The following TLN2 variants were observed in gnomAD, a reference collection of about 807,000 sequenced individuals.
The protein encoded by TLN2 is talin 2, also known as talin-2.
Under a neutral mutation model 294.7 loss-of-function variants are expected in TLN2, and 118 were observed. The observed-to-expected ratio is 0.40, with a 90% CI of 0.34 to 0.47. The LOEUF is 0.47. Among genes scored for constraint, TLN2 ranks in the 20% least tolerant of loss-of-function variants. The pLI, the probability that TLN2 is intolerant of heterozygous loss-of-function variation, is 0.84. For synonymous variants in TLN2, 1,431 were observed against 1,304.5 expected, an observed-to-expected ratio of 1.10 and a Z score of -2.09; for missense variants, 3,083 against 3,282.2, an observed-to-expected ratio of 0.94 and a Z score of 1.48.
chr15:62,655,166 A>G lies in TLN2; in HGVS notation c.518-778A>G, dbSNP rs910497057. 2.6e-5 allele frequency among the ~76,000 whole-genome samples: 4 copies of G among 152,098 alleles called. No homozygotes were observed. The East Asian group carries it at 5.8e-4, about 22-fold the overall frequency. On this transcript the variant is annotated intron_variant, in intron 7 of 58. Coordinates refer to ENST00000636159, the MANE Select transcript of TLN2 (RefSeq NM_015059.3). ...CCAAGGATTTATTATTATGTGCAAA[A>G]TACTCTCCCAGGTACTGTGGGAGAT...
At chr15:62,427,736 T>C (rs975928162) in intron 1 of TLN2, among the ~76,000 whole-genome samples, 1 of 152,168 alleles carries the variant, frequency 6.6e-6, no homozygotes, top group African/African-American at 2.4e-5. Flanking sequence ...TCCCTGGCCA[T>C]GCCATGCAGA....
intron 1 of TLN2, among the ~76,000 whole-genome samples, chr15:62,545,514 TTGTG>T (rs56777565): frequency 2.9e-4 from 43 of 145,998 alleles, no homozygotes; most frequent in South Asian, 1.5e-3. Context: ...TTCTTTCTCT[TTGTG>T]TGTGTGTGTG....
intron 1 of TLN2, among the ~76,000 whole-genome samples, chr15:62,573,235 ACTC>A (rs1257808441): frequency 6.6e-6 from 1 of 150,968 alleles, no homozygotes; most frequent in Non-Finnish European, 1.5e-5. Flanking sequence ...TCCCTGCAGA[ACTC>A]CTCCTTGTCT....
At chr15:62,609,612 G>C (rs1021306700) in intron 2 of TLN2, among the ~76,000 whole-genome samples, 1 of 152,130 alleles carries the variant, frequency 6.6e-6, no homozygotes, top group Non-Finnish European at 1.5e-5. Context: ...CAGCTGATGC[G>C]TCGTTGGCGG....
chr15:62,772,921 C>T (rs931642807), intron 42 of TLN2, among the ~76,000 whole-genome samples: 2 of 152,092 alleles, frequency 1.3e-5, no homozygotes, highest in African/African-American at 4.8e-5. Context: ...TCCTCAGCCT[C>T]CCAAAGTGCT....
rs184133500 is a variant in TLN2, at chr15:62,767,269, C to A, written c.5196+847C>A. Among the ~76,000 whole-genome samples the A allele has an allele frequency of 4.0e-3, 603 of 152,274 alleles. 1 individual carries two copies. The highest frequency in any genetic ancestry group is 5.9e-3 in the Non-Finnish European group (399 of 68,014). The stretch of plus-strand genomic sequence containing the variant: ...AGGAGGGATTTTTAAGATTTGAAAT[C>A]TCAAAGGCCAGTGTCTTTCTGCCTT... On this transcript the variant is annotated intron_variant, in intron 41 of 58. Transcript: ENST00000636159.
intron 1 of TLN2, among the ~76,000 whole-genome samples, chr15:62,458,906 G>A (rs938222909): frequency 1.3e-5 from 2 of 152,178 alleles, no homozygotes; most frequent in African/African-American, 4.8e-5. Flanking sequence ...GTGGCTAGAA[G>A]ACCTAAGGAG....
At chr15:62,680,900 G>T in intron 11 of TLN2, among the ~76,000 whole-genome samples, 1 of 152,120 alleles carries the variant, frequency 6.6e-6, no homozygotes, top group Non-Finnish European at 1.5e-5. Flanking sequence ...TGTTGCAAAG[G>T]ACATTATTTT....
intron 34 of TLN2, among the ~76,000 whole-genome samples, chr15:62,751,762 A>G (rs769454409): frequency 1.3e-5 from 2 of 152,266 alleles, no homozygotes; most frequent in African/African-American, 2.4e-5. Flanking sequence ...GATTCTGAAC[A>G]CTAAAATCTC....
At chr15:62,396,270 G>T (rs988599267) in intron 1 of TLN2, among the ~76,000 whole-genome samples, 7 of 152,180 alleles carry the variant, frequency 4.6e-5, no homozygotes, top group African/African-American at 1.7e-4. Context: ...GTACGCTTCA[G>T]TTGGTTGACT....
At chr15:62,818,594 C>G (rs564752632) in intron 52 of TLN2, among the ~76,000 whole-genome samples, 33 of 152,266 alleles carry the variant, frequency 2.2e-4, no homozygotes, top group African/African-American at 7.9e-4. Context: ...TTTTTGAAAA[C>G]TTTTGAACTA....
intron 1 of TLN2, among the ~76,000 whole-genome samples, chr15:62,394,325 T>A (rs1231913194): frequency 1.3e-5 from 2 of 152,210 alleles, no homozygotes; most frequent in African/African-American, 4.8e-5. Context: ...GTTTTCCTGA[T>A]GATTTTGAGT....
chr15:62,421,606 T>C (rs2034398312), intron 1 of TLN2, among the ~76,000 whole-genome samples: 1 of 150,444 alleles, frequency 6.6e-6, no homozygotes, highest in Admixed American at 6.7e-5. Flanking sequence ...TTCTCACTTA[T>C]AAGTGGGGAC....
chr15:62,437,155 T>G (rs11632662), intron 1 of TLN2, among the ~76,000 whole-genome samples: 57,464 of 152,100 alleles, frequency 0.38, 11,101 homozygotes, highest in Middle Eastern at 0.57. Flanking sequence ...TCATCTCTCA[T>G]TGATTATGAG....
intron 9 of TLN2, among the ~76,000 whole-genome samples, chr15:62,668,360 T>C (rs2054980315): frequency 6.6e-6 from 1 of 152,124 alleles, no homozygotes; most frequent in African/African-American, 2.4e-5. Flanking sequence ...AATAACAAAA[T>C]TGCAACTCAT....
intron 1 of TLN2, among the ~76,000 whole-genome samples, chr15:62,458,866 A>G (rs1190895423): frequency 2.0e-5 from 3 of 152,106 alleles, no homozygotes; most frequent in Non-Finnish European, 2.9e-5. Flanking sequence ...TCCTTTTTGC[A>G]TCCCTCTCCT....
At chr15:62,452,094 A>G (rs2036187925) in intron 1 of TLN2, among the ~76,000 whole-genome samples, 1 of 151,976 alleles carries the variant, frequency 6.6e-6, no homozygotes, top group Non-Finnish European at 1.5e-5. Flanking sequence ...CTGGTCCTGG[A>G]TCATTTCTTA....
intron 1 of TLN2, among the ~76,000 whole-genome samples, chr15:62,441,872 G>A (rs2035562234): frequency 6.6e-6 from 1 of 152,204 alleles, no homozygotes; most frequent in Non-Finnish European, 1.5e-5. Context: ...GAGGTTTGTG[G>A]CGGGTGGTGT....
chr15:62,778,841 T>C (rs1198886029), intron 43 of TLN2, among the ~76,000 whole-genome samples: 2 of 152,208 alleles, frequency 1.3e-5, no homozygotes, highest in Non-Finnish European at 2.9e-5. Flanking sequence ...TAAACTCTTA[T>C]CTACCCTGGC....
Sources: gnomAD v4.1 joint callset for allele counts (sites outside exome capture counted in the v4.1 genomes callset) on GRCh38, gnomAD v4.1.1 for gene constraint, MANE v1.5 for transcripts, NCBI Gene and HGNC (gene_info 2026-07-23, HGNC 2026-07-21) for gene names.